ACVR2A: variants seen among roughly 807,000 people sequenced by gnomAD.
The protein encoded by ACVR2A is activin receptor type-2A.
In ACVR2A, 7 loss-of-function variants were observed where a neutral mutation model predicts 61.4. The ratio of observed to expected loss-of-function variants is 0.11; its 90% CI spans 0.06 to 0.21. The LOEUF (loss-of-function observed/expected upper bound fraction) is 0.21. ACVR2A is among the 10% of genes least tolerant of loss of function. The probability of loss-of-function intolerance (pLI) is 1.00; values close to 1 mark genes in which losing one functional copy is unlikely to be tolerated. For missense variants in ACVR2A, 322 were observed against 621.7 expected, an observed-to-expected ratio of 0.52 and a Z score of 5.13; for synonymous variants, 193 against 208.3, an observed-to-expected ratio of 0.93 and a Z score of 0.63.
intron 1 of ACVR2A, among the ~76,000 whole-genome samples, chr2:147,876,616 T>G (rs1351502928): frequency 6.6e-6 from 1 of 152,186 alleles, no homozygotes; most frequent in Non-Finnish European, 1.5e-5. Context: ...TTACAAGGGC[T>G]TTTAACACCT....
chr2:147,922,944 G>T (rs1475986152), intron 8 of ACVR2A, 29 bp from the exon 9 acceptor site: 3 of 1,592,618 alleles, frequency 1.9e-6, no homozygotes, highest in Non-Finnish European at 2.6e-6. Context: ...TAATGAATGA[G>T]TACTCTTTGC....
chr2:147,863,079 TTAAG>T (rs1336187694), intron 1 of ACVR2A, among the ~76,000 whole-genome samples: 1 of 152,178 alleles, frequency 6.6e-6, no homozygotes, highest in Non-Finnish European at 1.5e-5. Context: ...GGCTATGTAA[TTAAG>T]TAAGTAGCAG....
Position 147,915,203 on chromosome 2 carries a change from C to A in ACVR2A, c.541C>A (p.Pro181Thr), listed in dbSNP as rs1015293914. Reference protein sequence around the residue: ...VLVPTQDPGPPPPSPLLGLKP... With the variant: ...VLVPTQDPGPTPPSPLLGLKP... ...TATTTATCTGTAGGACCCAGGACCA[C>A]CCCCACCTTCTCCATTACTAGGTTT... Residue 181 changes from proline (P) to threonine (T), a missense_variant, in exon 5 of 11, where the codon CCC becomes ACC. This residue lies in a region of ACVR2A where 146 missense variants were observed against 383.8 expected (regional missense o/e 0.38). Transcript: ENST00000241416. The A allele has an allele frequency of 6.2e-7, 1 of 1,611,630 alleles. No homozygotes were observed. Among genetic ancestry groups the A allele is most frequent in the African/African-American group, 1.3e-5 (1 of 74,750 alleles).
chr2:147,923,770 T>C (rs753601652), intron 9 of ACVR2A, among the ~76,000 whole-genome samples: 1 of 152,110 alleles, frequency 6.6e-6, no homozygotes, highest in Non-Finnish European at 1.5e-5. Context: ...ACTTGCCGAC[T>C]GCTAAACTCC....
In ACVR2A at chr2:147,923,063, A is replaced by C; in HGVS notation, c.1168A>C (p.Met390Leu). The change falls in exon 9 of 11, where the codon ATG becomes CTG. Residue 390 changes from methionine (M) to leucine (L), a missense_variant. Physicochemically the swap from Met to Leu is conservative, Grantham distance 15. Coordinates refer to ENST00000241416, the MANE Select transcript of ACVR2A (RefSeq NM_001616.5). ...ATTTTTGAGGATAGATATGTATGCCATGGGATTAGTCCTATGGGAACTGGC... is the reference window on the plus strand; with the variant it reads ...ATTTTTGAGGATAGATATGTATGCCCTGGGATTAGTCCTATGGGAACTGGC... ...DAFLRIDMYA[M>L]GLVLWELASR... 1.2e-6 allele frequency: 2 copies of C among 1,613,556 alleles called. No individual in the cohort carries two copies. Among genetic ancestry groups the C allele is most frequent in the Non-Finnish European group, 1.7e-6 (2 of 1,179,610 alleles).
At chr2:147,915,170 A>G (rs767229900) in intron 4 of ACVR2A, 21 bp from the exon 5 acceptor site, 3 of 1,599,602 alleles carry the variant, frequency 1.9e-6, no homozygotes, top group South Asian at 1.1e-5. Flanking sequence ...TATTTATAGT[A>G]TTATTATTAT....
intron 6 of ACVR2A, 31 bp downstream of exon 6, chr2:147,917,457 A>C: frequency 6.2e-7 from 1 of 1,606,934 alleles, no homozygotes. Flanking sequence ...ACTTTAGTAA[A>C]GTCTGAGTTG....
chr2:147,854,585 A>G (rs1014064), intron 1 of ACVR2A, among the ~76,000 whole-genome samples: 49,417 of 152,026 alleles, frequency 0.33, 8,278 homozygotes, highest in East Asian at 0.51. Context: ...GACCTTTGAC[A>G]GCCATTAAGA....
In ACVR2A at chr2:147,920,225, G is replaced by A. The variant is rs899861449; in HGVS notation, c.963-5G>A. The A allele has an allele frequency of 1.9e-6, 3 of 1,599,348 alleles. No individual in the cohort carries two copies. On this transcript the variant is annotated splice_polypyrimidine_tract_variant and splice_region_variant and intron_variant, in intron 7 of 10. Coordinates refer to ENST00000241416, the MANE Select transcript of ACVR2A (RefSeq NM_001616.5). ...CTTAATTTGAATACTCTTTTTATTT[G>A]CAAGGGACATCAAAAGTAAAAATGT...
chr2:147,861,225 A>G (rs1239652720), intron 1 of ACVR2A, among the ~76,000 whole-genome samples: 3 of 152,230 alleles, frequency 2.0e-5, no homozygotes, highest in Non-Finnish European at 2.9e-5. Flanking sequence ...GTTATAATGT[A>G]GTGAATGTAT....
chr2:147,872,315 A>G lies in ACVR2A; in HGVS notation c.56-23986A>G, dbSNP rs145145230. Among the ~76,000 whole-genome samples the G allele has an allele frequency of 2.7e-3, 413 of 152,006 alleles. 1 individual carries two copies. The highest frequency in any genetic ancestry group is 9.1e-3 in the African/African-American group (379 of 41,510). On this transcript the variant is annotated intron_variant, in intron 1 of 10. Transcript: ENST00000241416. ...TGGAAAGTTAATATCATGGACATTC[A>G]ATGTGTTGTGTAATTGATTTAAAGC...
At chr2:147,916,104 T>G (rs553319838) in intron 5 of ACVR2A, among the ~76,000 whole-genome samples, 2 of 152,050 alleles carry the variant, frequency 1.3e-5, no homozygotes, top group Non-Finnish European at 1.5e-5. Flanking sequence ...TTTCTTTGTC[T>G]TAATATACCT....
At chr2:147,888,677 GCTT>G (rs1044253484) in intron 1 of ACVR2A, among the ~76,000 whole-genome samples, 2 of 148,530 alleles carry the variant, frequency 1.3e-5, no homozygotes, top group African/African-American at 4.9e-5. Flanking sequence ...TGCTGCTGCT[GCTT>G]CTTTTTTTTT....
rs112515489 is a variant in ACVR2A at position 147,927,523 on chromosome 2, C to T, written c.*249C>T. 12 of 346,956 alleles carry T rather than the reference C, an allele frequency of 3.5e-5. No individual in the cohort carries two copies. Among genetic ancestry groups the T allele is most frequent in the African/African-American group, 2.6e-4 (12 of 46,764 alleles). 21.5% of individuals were successfully genotyped at this position (346,956 alleles called of 1,614,324 possible). The stretch of plus-strand genomic sequence containing the variant: ...ATAAAGAAACTTTTGAAAAAGTGTA[C>T]ATGAAGAATGTAGCCCTCTCCAAAT... On this transcript the variant is annotated 3_prime_UTR_variant, in exon 11 of 11. Transcript: ENST00000241416.
chr2:147,878,005 A>G (rs1686202620), intron 1 of ACVR2A, among the ~76,000 whole-genome samples: 1 of 152,228 alleles, frequency 6.6e-6, no homozygotes. Flanking sequence ...TACTTATAGT[A>G]GAAGCTGTTG....
At chr2:147,904,676 G>T (rs1000451715) in intron 4 of ACVR2A, among the ~76,000 whole-genome samples, 1 of 151,928 alleles carries the variant, frequency 6.6e-6, no homozygotes, top group Admixed American at 6.6e-5. Flanking sequence ...GTCATTTCAT[G>T]CTATGTCAGA....
intron 8 of ACVR2A, among the ~76,000 whole-genome samples, chr2:147,922,427 G>T (rs1167440265): frequency 6.6e-6 from 1 of 152,036 alleles, no homozygotes; most frequent in Non-Finnish European, 1.5e-5. Flanking sequence ...ACCAAAGCTA[G>T]CTGTACTAGC....
At chr2:147,919,391 C>T (rs1246312408) in intron 7 of ACVR2A, among the ~76,000 whole-genome samples, 1 of 152,112 alleles carries the variant, frequency 6.6e-6, no homozygotes, top group South Asian at 2.1e-4. Flanking sequence ...TTTTCCCTTG[C>T]CCTACCTGGT....
chr2:147,861,012 G>T (rs920347895), intron 1 of ACVR2A, among the ~76,000 whole-genome samples: 94 of 152,244 alleles, frequency 6.2e-4, no homozygotes, highest in African/African-American at 2.0e-3. Flanking sequence ...CCAGATGCCT[G>T]GTCCTCGTCT....
Sources: gnomAD v4.1 joint callset for allele counts (sites outside exome capture counted in the v4.1 genomes callset) on GRCh38, gnomAD v4.1.1 for gene constraint, gnomAD v4.1.1 regional missense constraint, MANE v1.5 for transcripts, NCBI Gene and HGNC (gene_info 2026-07-23, HGNC 2026-07-21) for gene names.